The following EXOC6B variants were observed in gnomAD, a reference collection of about 807,000 sequenced individuals.
EXOC6B encodes SEC15 homolog B.
Under a neutral mutation model 113.5 loss-of-function variants are expected in EXOC6B, and 54 were observed. That is an observed-to-expected ratio of 0.48 (90% CI 0.38 to 0.60). The LOEUF (loss-of-function observed/expected upper bound fraction) is 0.60. Among genes scored for constraint, EXOC6B ranks in the 20% least tolerant of loss-of-function variants. The pLI is 0.00. For synonymous variants in EXOC6B, 357 were observed against 339.0 expected (o/e 1.05, Z -0.58); for missense variants, 797 against 977.5 (o/e 0.82, Z 2.46).
intron 11 of EXOC6B, among the ~76,000 whole-genome samples, chr2:72,508,184 A>AAC (rs1553430339): frequency 0.011 from 950 of 88,784 alleles, 90 homozygotes; most frequent in African/African-American, 0.033. Context: ...AAAAAAAAAA[A>AAC]ACACCTAAAA....
chr2:72,181,453 G>A (rs973252319), intron 21 of EXOC6B, among the ~76,000 whole-genome samples: 1 of 152,306 alleles, frequency 6.6e-6, no homozygotes, highest in Non-Finnish European at 1.5e-5. Context: ...TACATTTGTA[G>A]AACTGGCCTA....
chr2:72,662,049 A>G (rs996259531), intron 6 of EXOC6B, among the ~76,000 whole-genome samples: 9 of 136,938 alleles, frequency 6.6e-5, no homozygotes, highest in African/African-American at 2.4e-4. Flanking sequence ...AAGAAAGAAG[A>G]AAGGAAAGAA....
chr2:72,584,349 G>A (rs1705415428), intron 6 of EXOC6B, among the ~76,000 whole-genome samples: 1 of 151,822 alleles, frequency 6.6e-6, no homozygotes, highest in South Asian at 2.1e-4. Context: ...ACAAAAAAAA[G>A]CACAGGCTAC....
At chr2:72,745,640 T>C (rs1026819802) in intron 1 of EXOC6B, among the ~76,000 whole-genome samples, 5 of 152,110 alleles carry the variant, frequency 3.3e-5, no homozygotes, top group Admixed American at 6.6e-5. Context: ...TTTCCAATAG[T>C]TTCCATCTGG....
At chr2:72,392,050 T>A (rs1692416985) in intron 18 of EXOC6B, among the ~76,000 whole-genome samples, 1 of 152,242 alleles carries the variant, frequency 6.6e-6, no homozygotes, top group African/African-American at 2.4e-5. Context: ...AGAATACATA[T>A]TTCATTCTTT....
chr2:72,683,374 A>C (rs1573616858), intron 6 of EXOC6B, among the ~76,000 whole-genome samples: 1 of 152,166 alleles, frequency 6.6e-6, no homozygotes, highest in South Asian at 2.1e-4. Context: ...TATATAATAA[A>C]ATTTTTAAAA....
chr2:72,449,296 C>T (rs146931591), intron 18 of EXOC6B, among the ~76,000 whole-genome samples: 1,846 of 151,992 alleles, frequency 0.012, 49 homozygotes, highest in African/African-American at 0.042. Context: ...CATTGTCCTG[C>T]CTCAGCCTCC....
At position 72,496,486 on chromosome 2, in the gene EXOC6B, G is replaced by C; in HGVS notation, c.1411C>G (p.Gln471Glu). 6.2e-7 allele frequency: 1 copy of C among 1,600,122 alleles called. No individual in the cohort carries two copies. Among genetic ancestry groups the C allele is most frequent in the Non-Finnish European group, 8.5e-7 (1 of 1,171,252 alleles). Residue 471 changes from glutamine to glutamate, a missense_variant, in exon 14 of 22, where the codon CAA (glutamine) becomes GAA (glutamate). By Grantham distance (29) the Gln-to-Glu change is conservative. Transcript: ENST00000272427. ...SEEMYKKVVG[Q>E]FPFQDIELEK... ...AGTTCTATATCTTGAAATGGGAATT[G>C]TCCTACCACCTTTTTGTACATCTCT...
chr2:72,747,351 C>T (rs1033101896), intron 1 of EXOC6B, among the ~76,000 whole-genome samples: 65 of 152,070 alleles, frequency 4.3e-4, no homozygotes, highest in African/African-American at 1.5e-3. Context: ...CTGAAGCATT[C>T]AGGAAAAGAA....
intron 18 of EXOC6B, among the ~76,000 whole-genome samples, chr2:72,455,048 C>T (rs979832492): frequency 6.6e-6 from 1 of 151,918 alleles, no homozygotes; most frequent in African/African-American, 2.4e-5. Context: ...AATTTGTACT[C>T]CATCAGGGAA....
intron 1 of EXOC6B, among the ~76,000 whole-genome samples, chr2:72,757,400 CAG>C (rs919351411): frequency 3.3e-5 from 5 of 152,178 alleles, no homozygotes; most frequent in African/African-American, 9.7e-5. Context: ...ACAGAGCAAA[CAG>C]AGATTATCAC....
chr2:72,649,523 G>A (rs1674007816), intron 6 of EXOC6B, among the ~76,000 whole-genome samples: 4 of 151,088 alleles, frequency 2.6e-5, no homozygotes, highest in Admixed American at 2.6e-4. Flanking sequence ...TAAAATCTGT[G>A]CAGCAGCAAA....
At chr2:72,408,286 C>G (rs966040811) in intron 18 of EXOC6B, among the ~76,000 whole-genome samples, 22 of 152,154 alleles carry the variant, frequency 1.4e-4, no homozygotes, top group Middle Eastern at 3.2e-3. Flanking sequence ...AATGGCCATA[C>G]TGCCCAAAGT....
At chr2:72,191,925 C>T (rs547438422) in intron 20 of EXOC6B, among the ~76,000 whole-genome samples, 47 of 152,154 alleles carry the variant, frequency 3.1e-4, no homozygotes, top group African/African-American at 1.1e-3. Flanking sequence ...GCAAACCATC[C>T]GGGGGGTACT....
chr2:72,431,405 G>A (rs1271369017), intron 18 of EXOC6B, among the ~76,000 whole-genome samples: 1 of 151,918 alleles, frequency 6.6e-6, no homozygotes, highest in Non-Finnish European at 1.5e-5. Flanking sequence ...TTGAACTCTT[G>A]GGCTAAAGCA....
intron 20 of EXOC6B, among the ~76,000 whole-genome samples, chr2:72,196,886 A>C (rs1314975308): frequency 6.6e-6 from 1 of 152,172 alleles, no homozygotes; most frequent in Non-Finnish European, 1.5e-5. Flanking sequence ...AAAAGTGTTC[A>C]CCAGCATGCT....
At chr2:72,458,023 T>C (rs978567834) in intron 18 of EXOC6B, among the ~76,000 whole-genome samples, 1 of 152,090 alleles carries the variant, frequency 6.6e-6, no homozygotes, top group Non-Finnish European at 1.5e-5. Flanking sequence ...GCTGCTGTGA[T>C]GTGGTAAAAT....
At chr2:72,460,484 C>A (rs1697555892) in intron 18 of EXOC6B, among the ~76,000 whole-genome samples, 1 of 151,922 alleles carries the variant, frequency 6.6e-6, no homozygotes, top group African/African-American at 2.4e-5. Flanking sequence ...TATCCAGAAT[C>A]TACAATGAAC....
chr2:72,425,217 T>C (rs985264340), intron 18 of EXOC6B, among the ~76,000 whole-genome samples: 2 of 152,194 alleles, frequency 1.3e-5, no homozygotes, highest in African/African-American at 2.4e-5. Context: ...GTTTTGAAAT[T>C]TCCCCTTCTT....
Sources: allele counts gnomAD v4.1 joint callset (sites outside exome capture counted in the v4.1 genomes callset), GRCh38; gene constraint gnomAD v4.1.1; transcripts MANE v1.5; gene names NCBI Gene and HGNC (gene_info 2026-07-23, HGNC 2026-07-21).